DZIP1L: variants seen among roughly 807,000 people sequenced by gnomAD.
The protein encoded by DZIP1L is DAZ interacting zinc finger protein 1 like, also known as cilium assembly protein DZIP1L.
A neutral mutation model predicts 88.7 loss-of-function variants in DZIP1L; 90 were observed. The observed-to-expected ratio is 1.02, with a 90% CI of 0.86 to 1.21. The LOEUF is 1.21. DZIP1L is among the 50% of genes most tolerant of loss of function. DZIP1L has a pLI of 0.00. For synonymous variants in DZIP1L, 363 were observed against 372.1 expected, an observed-to-expected ratio of 0.98 and a Z score of 0.28; for missense variants, 932 against 955.8, an observed-to-expected ratio of 0.98 and a Z score of 0.33.
chr3:138,066,903 G>C (rs899932327), intron 14 of DZIP1L, among the ~76,000 whole-genome samples: 1 of 152,168 alleles, frequency 6.6e-6, no homozygotes, highest in African/African-American at 2.4e-5. Flanking sequence ...TGATCCAGAA[G>C]ACAGTGCCAG....
rs2724706 is a variant in DZIP1L, at chr3:138,072,001, C to T, written c.1423-166G>A. Among the ~76,000 whole-genome samples the T allele has an allele frequency of 0.66, 100,698 of 152,042 alleles. 33,661 individuals are homozygous for T. The highest frequency in any genetic ancestry group is 0.7 in the Non-Finnish European group (47,829 of 67,982). ...ATGAGGATCAGAGAAGGGTAAGCAG[C>T]GGCTTCAAAGTTGCTGAAAGTGCAA... is the stretch of plus-strand genomic sequence containing the variant. On this transcript the variant is annotated intron_variant, in intron 11 of 15. Transcript: ENST00000327532.
chr3:138,087,111 T>C, intron 6 of DZIP1L, 88 bp from the exon 7 acceptor site: 3 of 1,229,610 alleles, frequency 2.4e-6, no homozygotes, highest in Non-Finnish European at 3.5e-6. Flanking sequence ...TACTGGCTCA[T>C]GGGTAGGCAG....
At chr3:138,065,729 G>C (rs1246113958) in intron 14 of DZIP1L, among the ~76,000 whole-genome samples, 1 of 152,196 alleles carries the variant, frequency 6.6e-6, no homozygotes, top group Non-Finnish European at 1.5e-5. Flanking sequence ...CGCAAGCCTA[G>C]CCTGACATCC....
At position 138,090,862 on chromosome 3, in the gene DZIP1L, T is replaced by C. The variant is rs1186678600; in HGVS notation, c.870+1521A>G. ...ACAGTTTTAGTCATGCAGGTTTATATGGGAAGATATGGTCAAGGGATAACT... is the reference window on the plus strand; with the variant it reads ...ACAGTTTTAGTCATGCAGGTTTATACGGGAAGATATGGTCAAGGGATAACT... On this transcript the variant is annotated intron_variant, in intron 5 of 15. Coordinates refer to ENST00000327532, the MANE Select transcript of DZIP1L (RefSeq NM_173543.3). Among the ~76,000 whole-genome samples, 5 of 151,934 alleles carry C rather than the reference T, an allele frequency of 3.3e-5. No individual in the cohort carries two copies. The East Asian group carries it at 9.7e-4, about 29-fold the overall frequency.
At chr3:138,068,412 G>C in intron 12 of DZIP1L, 45 bp from the exon 13 acceptor site, 1 of 1,405,696 alleles carries the variant, frequency 7.1e-7, no homozygotes, top group African/African-American at 1.5e-5. Context: ...ACCCATGCTG[G>C]ATCTCAAGCC....
At chr3:138,093,698 T>C (rs960970367) in intron 4 of DZIP1L, among the ~76,000 whole-genome samples, 8 of 152,274 alleles carry the variant, frequency 5.3e-5, no homozygotes, top group African/African-American at 1.9e-4. Flanking sequence ...TTCATTGTTA[T>C]GGAGATGGCT....
rs2107810124 is a variant in DZIP1L at position 138,092,482 on chromosome 3, C to T, written c.771G>A (p.Glu257=). 2.5e-6 allele frequency: 4 copies of T among 1,603,458 alleles called. No individual in the cohort carries two copies. The East Asian group carries it at 9.0e-5, about 36-fold the overall frequency. Residue 257 remains glutamate, a synonymous_variant, in exon 5 of 16, where the codon GAG becomes GAA. Transcript: ENST00000327532. ...CCCCATAAAGTTTGGTCCACTCTTG[C>T]TCTTTCCATTTATCAAATTCTTTCT... The part of the protein sequence containing the change: ...EAKKEFDKWK[E]QEWTKLYGEI...
rs1448866454 is a variant in DZIP1L at position 138,095,048 on chromosome 3, C to T, written c.587-65G>A. Reference sequence around the variant, plus strand: ...CAAAAATCAAGGGAGTGTAGTTTCTCACCTTGTCAATCAGCCATACCTCGG... The same window carrying T: ...CAAAAATCAAGGGAGTGTAGTTTCTTACCTTGTCAATCAGCCATACCTCGG... On this transcript the variant is annotated intron_variant, in intron 3 of 15. Coordinates refer to ENST00000327532, the MANE Select transcript of DZIP1L (RefSeq NM_173543.3). 5 of 1,608,150 alleles carry T rather than the reference C, an allele frequency of 3.1e-6. No individual in the cohort carries two copies. In the East Asian group the frequency reaches 8.9e-5, roughly 29 times the overall value.
intron 5 of DZIP1L, among the ~76,000 whole-genome samples, chr3:138,092,081 G>T (rs752334730): frequency 4.6e-5 from 7 of 152,192 alleles, no homozygotes; most frequent in Non-Finnish European, 8.8e-5. Flanking sequence ...ACTACATGCT[G>T]GATAATGTTA....
chr3:138,103,959 C>T lies in DZIP1L; in HGVS notation c.13G>A (p.Ala5Thr), dbSNP rs745393759. The change falls in exon 2 of 16, where the codon GCT becomes ACT. Residue 5 changes from alanine (A) to threonine (T), a missense_variant. Transcript: ENST00000327532. The part of the protein sequence containing the change: MQSP[A>T]ATAEGLSGPL... ...CCACTGAGGCCCTCAGCAGTGGCAG[C>T]TGGGGACTGCATGGGCAGAGGAAGC... is the stretch of plus-strand genomic sequence containing the variant. 4 of 1,611,232 alleles carry T rather than the reference C, an allele frequency of 2.5e-6. No individual in the cohort carries two copies. Among genetic ancestry groups the T allele is most frequent in the Middle Eastern group, 1.7e-4 (1 of 6,054 alleles).
intron 3 of DZIP1L, among the ~76,000 whole-genome samples, chr3:138,096,191 C>A (rs1423502253): frequency 2.0e-5 from 3 of 152,150 alleles, no homozygotes; most frequent in Admixed American, 2.0e-4. Flanking sequence ...TCTGGGAAGT[C>A]AGCTGCCTGT....
intron 2 of DZIP1L, chr3:138,101,408 C>T (rs2042307407): frequency 1.4e-6 from 1 of 705,206 alleles, no homozygotes; most frequent in South Asian, 1.6e-5. Flanking sequence ...CTACCCTGCA[C>T]AGCAGCCTCC....
intron 1 of DZIP1L, among the ~76,000 whole-genome samples, chr3:138,110,726 G>C (rs1576513186): frequency 6.6e-6 from 1 of 152,192 alleles, no homozygotes; most frequent in East Asian, 1.9e-4. Flanking sequence ...AATAAAAATA[G>C]TTCACATTTC....
chr3:138,062,748 T>C lies in DZIP1L; in HGVS notation c.*68A>G. ...GAAGACAAGAGGCCCAGCAGCCTCT[T>C]CTGTTGAAGTGGACCTGAGCTGGCC... On this transcript the variant is annotated 3_prime_UTR_variant, in exon 16 of 16. Coordinates refer to ENST00000327532, the MANE Select transcript of DZIP1L (RefSeq NM_173543.3). 3 of 1,565,574 alleles carry C rather than the reference T, an allele frequency of 1.9e-6. No individual in the cohort carries two copies. Among genetic ancestry groups the C allele is most frequent in the Non-Finnish European group, 2.6e-6 (3 of 1,143,892 alleles).
intron 5 of DZIP1L, among the ~76,000 whole-genome samples, chr3:138,091,480 C>T (rs994333673): frequency 1.3e-5 from 2 of 151,304 alleles, no homozygotes; most frequent in Admixed American, 6.6e-5. Context: ...TAGCCAGGAA[C>T]GGTGGCACAC....
intron 7 of DZIP1L, among the ~76,000 whole-genome samples, chr3:138,085,272 C>A (rs1476475163): frequency 1.7e-4 from 26 of 152,104 alleles, no homozygotes; most frequent in African/African-American, 3.1e-4. Context: ...TAATTAAACT[C>A]AAGAGCTTCT....
At position 138,064,786 on chromosome 3, in the gene DZIP1L, G is replaced by T; in HGVS notation, c.2003-19C>A. 6.4e-7 allele frequency: 1 copy of T among 1,550,398 alleles called. No individual in the cohort carries two copies. The highest frequency in any genetic ancestry group is 8.7e-7 in the Non-Finnish European group (1 of 1,152,370). On this transcript the variant is annotated intron_variant, in intron 14 of 15. Coordinates refer to ENST00000327532, the MANE Select transcript of DZIP1L (RefSeq NM_173543.3). ...AGTGTTCCTGGAAGGTGAAAAAGTG[G>T]CTGTGTCAGTGGGAGAAGCCTAGAA...
intron 12 of DZIP1L, among the ~76,000 whole-genome samples, chr3:138,069,368 G>A (rs976557863): frequency 6.6e-6 from 1 of 152,112 alleles, no homozygotes; most frequent in Non-Finnish European, 1.5e-5. Context: ...TAAGACTTCT[G>A]GTCAACAGTA....
rs1032566994 is a variant in DZIP1L at position 138,063,782 on chromosome 3, G to A, written c.2143-805C>T. ...GTTTTTTCTTTTCAATCATTTGGAT[G>A]CATTACTCACAAACATACAGGAGCT... On this transcript the variant is annotated intron_variant, in intron 15 of 15. Transcript: ENST00000327532. This position sits in a 1 kb window ranked among gnomAD's most constrained non-coding sequence, Gnocchi z 4.1. Among the ~76,000 whole-genome samples, 2 of 152,218 alleles carry A rather than the reference G, an allele frequency of 1.3e-5. No individual in the cohort carries two copies. The highest frequency in any genetic ancestry group is 1.3e-4 in the Admixed American group (2 of 15,284).
Sources: gnomAD v4.1 joint callset for allele counts (sites outside exome capture counted in the v4.1 genomes callset) on GRCh38, gnomAD v4.1.1 for gene constraint, Gnocchi (gnomAD v3.1) non-coding constraint, MANE v1.5 for transcripts, NCBI Gene and HGNC (gene_info 2026-07-23, HGNC 2026-07-21) for gene names.